KREMEN1: variants seen among roughly 807,000 people sequenced by gnomAD.
The protein encoded by KREMEN1 is kremen protein 1.
KREMEN1 carries 30 observed loss-of-function variants against 46.5 expected under a neutral mutation model. The observed-to-expected ratio is 0.65, with a 90% confidence interval of 0.48 to 0.88. The LOEUF is 0.88. Ranked by LOEUF, KREMEN1 falls within the 40% of genes least tolerant of loss-of-function variation. The probability of loss-of-function intolerance (pLI) is 0.00; values close to 1 mark genes in which losing one functional copy is unlikely to be tolerated. For synonymous variants in KREMEN1, 214 were observed against 230.6 expected, an observed-to-expected ratio of 0.93 and a Z score of 0.65; for missense variants, 533 against 596.9, an observed-to-expected ratio of 0.89 and a Z score of 1.11.
At chr22:29,129,601 A>C (rs2145828745) in intron 5 of KREMEN1, among the ~76,000 whole-genome samples, 1 of 152,314 alleles carries the variant, frequency 6.6e-6, no homozygotes, top group Admixed American at 6.5e-5. Context: ...TGTGGGTCTC[A>C]GTCAGAGTGT....
chr22:29,128,316 G>T (rs1208011355), intron 5 of KREMEN1, among the ~76,000 whole-genome samples: 1 of 152,142 alleles, frequency 6.6e-6, no homozygotes, highest in Non-Finnish European at 1.5e-5. Context: ...TTTACAATGA[G>T]TTTATCAGGA....
rs777534430 is a variant in KREMEN1 at position 29,138,760 on chromosome 22, C to T, written c.1101C>T (p.Ser367=). 3 of 1,614,220 alleles carry T rather than the reference C, an allele frequency of 1.9e-6. No homozygotes were observed. In the South Asian group the frequency reaches 3.3e-5, roughly 18 times the overall value. The change falls in exon 7 of 9, where the codon AGC becomes AGT. Residue 367 remains serine (S), a synonymous_variant. Transcript: ENST00000400335. The part of the protein sequence containing the change: ...KVLYVITTSP[S]HPPQTVPGWT... ...TCTATGTCATCACCACCAGCCCCAG[C>T]CACCCACCTCAGACTGTCCCAGGTA... is the stretch of plus-strand genomic sequence containing the variant.
At chr22:29,136,564 GACTCCTTCT>G (rs2038660956) in intron 5 of KREMEN1, among the ~76,000 whole-genome samples, 1 of 141,686 alleles carries the variant, frequency 7.1e-6, no homozygotes, top group Non-Finnish European at 1.5e-5. Flanking sequence ...GACAGACGGA[GACTCCTTCT>G]CAAAAAAAAA....
chr22:29,098,759 T>C, intron 2 of KREMEN1, 103 bp from the exon 3 acceptor site: 1 of 856,086 alleles, frequency 1.2e-6, no homozygotes, highest in East Asian at 2.5e-5. Flanking sequence ...CTATTAGAAA[T>C]AATACAGAAG....
chr22:29,093,973 G>C (rs1031188755), intron 1 of KREMEN1, among the ~76,000 whole-genome samples: 1 of 152,200 alleles, frequency 6.6e-6, no homozygotes, highest in Admixed American at 6.5e-5. Flanking sequence ...ATGGGCTTCA[G>C]TACACTTCAG....
intron 3 of KREMEN1, among the ~76,000 whole-genome samples, chr22:29,120,889 A>G (rs1020490404): frequency 1.3e-5 from 2 of 152,154 alleles, no homozygotes; most frequent in Non-Finnish European, 2.9e-5. Flanking sequence ...AGGAACTAAT[A>G]TATTCACCAA....
chr22:29,145,745 G>T lies in KREMEN1; in HGVS notation c.*3633G>T. The T allele has an allele frequency of 5.1e-6, 5 of 985,558 alleles. No homozygotes were observed. The highest frequency in any genetic ancestry group is 4.8e-6 in the Non-Finnish European group (4 of 830,002). 61.1% of individuals were successfully genotyped at this position (985,558 alleles called of 1,614,324 possible). A position where few individuals can be genotyped will look rare whatever the true frequency, so the allele number is the denominator to read the frequency against. On this transcript the variant is annotated 3_prime_UTR_variant, in exon 9 of 9. Transcript: ENST00000400335. ...TCAGGACAGGCTTGAGGCCTCTCTGGGCGTGAGCGAGGAAACCAGGCTGCT... is the reference window on the plus strand; with the variant it reads ...TCAGGACAGGCTTGAGGCCTCTCTGTGCGTGAGCGAGGAAACCAGGCTGCT...
intron 3 of KREMEN1, among the ~76,000 whole-genome samples, chr22:29,118,029 A>G (rs901754683): frequency 6.6e-6 from 1 of 152,226 alleles, no homozygotes; most frequent in Non-Finnish European, 1.5e-5. Context: ...GGTGTCTACC[A>G]GAGCTGGAGT....
chr22:29,147,259 G>T (rs915709386), downstream of KREMEN1, among the ~76,000 whole-genome samples: 2 of 152,200 alleles, frequency 1.3e-5, no homozygotes, highest in Non-Finnish European at 2.9e-5. Flanking sequence ...TATCCCAGGT[G>T]GAACTGACCT....
chr22:29,084,152 T>C (rs1168759059), intron 1 of KREMEN1, among the ~76,000 whole-genome samples: 1 of 152,114 alleles, frequency 6.6e-6, no homozygotes, highest in African/African-American at 2.4e-5. Flanking sequence ...CATGCTAATA[T>C]ATTATAATTA....
At chr22:29,074,212 C>T (rs1014953241) in intron 1 of KREMEN1, among the ~76,000 whole-genome samples, 10 of 152,362 alleles carry the variant, frequency 6.6e-5, no homozygotes, top group African/African-American at 2.2e-4. Flanking sequence ...TGTACCCAGA[C>T]GGACGGGACG....
Position 29,143,083 on chromosome 22 carries a change from GA to G in KREMEN1, c.*972del. 1.6e-6 allele frequency: 1 copy of G among 622,840 alleles called. No homozygotes were observed. The highest frequency in any genetic ancestry group is 2.0e-6 in the Non-Finnish European group (1 of 498,826). 38.6% of individuals were successfully genotyped at this position (622,840 alleles called of 1,614,324 possible). A position where few individuals can be genotyped will look rare whatever the true frequency, so the allele number is the denominator to read the frequency against. Reference sequence around the variant, plus strand: ...AAGAACAGCTTGAACCCAGGAGGCTGAGATTGCAGTGAGCCGAGATCGCACC... The same window carrying G: ...AAGAACAGCTTGAACCCAGGAGGCTGGATTGCAGTGAGCCGAGATCGCACC... On this transcript the variant is annotated 3_prime_UTR_variant, in exon 9 of 9. Coordinates refer to ENST00000400335, the MANE Select transcript of KREMEN1 (RefSeq NM_001039570.3).
intron 5 of KREMEN1, 53 bp from the exon 6 acceptor site, chr22:29,137,289 C>T (rs974261711): frequency 1.4e-5 from 18 of 1,288,810 alleles, no homozygotes; most frequent in African/African-American, 7.5e-5. Flanking sequence ...GTTGGAAGCG[C>T]GCCTGTGGCA....
intron 5 of KREMEN1, among the ~76,000 whole-genome samples, chr22:29,132,060 T>C (rs2038572200): frequency 6.6e-6 from 1 of 151,610 alleles, no homozygotes; most frequent in Non-Finnish European, 1.5e-5. Context: ...CTAGTAGAGA[T>C]GGGGTTTCTC....
chr22:29,087,916 T>C (rs930410061), intron 1 of KREMEN1, among the ~76,000 whole-genome samples: 5 of 152,244 alleles, frequency 3.3e-5, no homozygotes, highest in African/African-American at 1.2e-4. Context: ...ACATGAACTT[T>C]AAAACTGCAG....
intron 3 of KREMEN1, among the ~76,000 whole-genome samples, chr22:29,105,478 TAC>T (rs10642386): frequency 0.07 from 10,248 of 146,820 alleles, 630 homozygotes; most frequent in South Asian, 0.18. Context: ...CACACACACA[TAC>T]ACACACACAC....
chr22:29,157,151 G>A (rs537733302), intron 9 of KREMEN1, among the ~76,000 whole-genome samples: 53 of 152,304 alleles, frequency 3.5e-4, no homozygotes, highest in African/African-American at 1.3e-3. Context: ...CAAGTCAGAG[G>A]AGCCGACCTG....
chr22:29,147,048 A>G (rs1042982127), downstream of KREMEN1, among the ~76,000 whole-genome samples: 14 of 152,212 alleles, frequency 9.2e-5, no homozygotes, highest in Admixed American at 7.2e-4. Context: ...AAACCATTGC[A>G]TTGCAGCCCA....
intron 1 of KREMEN1, among the ~76,000 whole-genome samples, chr22:29,081,699 C>G (rs2037658044): frequency 6.6e-6 from 1 of 152,136 alleles, no homozygotes; most frequent in Non-Finnish European, 1.5e-5. Flanking sequence ...GTCTCCCTGG[C>G]CAGAACTTAT....
Sources: allele counts gnomAD v4.1 joint callset (sites outside exome capture counted in the v4.1 genomes callset), GRCh38; gene constraint gnomAD v4.1.1; transcripts MANE v1.5; gene names NCBI Gene and HGNC (gene_info 2026-07-23, HGNC 2026-07-21).